The following DNAH3 variants were observed in gnomAD, a reference collection of about 807,000 sequenced individuals.
DNAH3 encodes dynein axonemal heavy chain 3, also known as axonemal beta dynein heavy chain 3.
DNAH3 carries 332 observed loss-of-function variants against 432.5 expected under a neutral mutation model. That is an observed-to-expected ratio of 0.77 (90% CI 0.70 to 0.84). The LOEUF (loss-of-function observed/expected upper bound fraction) is 0.84, where lower values mean the gene tolerates loss of function less well. Among genes scored for constraint, DNAH3 ranks in the 40% least tolerant of loss-of-function variants. DNAH3 has a pLI of 0.00. For missense variants in DNAH3, 4,861 were observed against 5,114.0 expected (o/e 0.95, Z 1.51); for synonymous variants, 1,956 against 1,900.2 (o/e 1.03, Z -0.76).
intron 43 of DNAH3, among the ~76,000 whole-genome samples, chr16:20,999,005 C>A (rs1312657854): frequency 6.6e-6 from 1 of 152,000 alleles, no homozygotes; most frequent in African/African-American, 2.4e-5. Context: ...ACCTGTAATC[C>A]CAACACTTTG....
chr16:21,085,768 T>A (rs1015109548), intron 19 of DNAH3, among the ~76,000 whole-genome samples: 33 of 151,976 alleles, frequency 2.2e-4, no homozygotes, highest in African/African-American at 7.5e-4. Context: ...TCAGAGAGAA[T>A]TTCCTCAGTC....
intron 31 of DNAH3, among the ~76,000 whole-genome samples, chr16:21,043,057 A>G (rs2089519696): frequency 1.3e-5 from 2 of 152,084 alleles, no homozygotes; most frequent in African/African-American, 2.4e-5. Flanking sequence ...ACATTTTCTT[A>G]ATCCAGTCTA....
At chr16:20,991,600 G>A (rs531748534) in intron 44 of DNAH3, among the ~76,000 whole-genome samples, 1 of 152,226 alleles carries the variant, frequency 6.6e-6, no homozygotes, top group East Asian at 1.9e-4. Flanking sequence ...TTAATTTATA[G>A]TTTTTTCCCT....
chr16:21,116,461 A>G (rs1490690802), intron 12 of DNAH3, among the ~76,000 whole-genome samples: 3 of 152,086 alleles, frequency 2.0e-5, no homozygotes, highest in East Asian at 3.9e-4. Context: ...CCACGAGAAG[A>G]AGGATGTGTT....
In DNAH3 at chr16:20,964,271, G is replaced by A. The variant is rs199640892; in HGVS notation, c.9613C>T (p.Leu3205Phe). The change falls in exon 53 of 62, where the codon CTC (leucine) becomes TTC (phenylalanine). Residue 3205 changes from leucine (L) to phenylalanine (F), a missense_variant. Leu to Phe is a conservative substitution (Grantham distance 22). Transcript: ENST00000261383. The stretch of plus-strand genomic sequence containing the variant: ...TCCTTCGCAGCCACGATGCCAAGGA[G>A]TTGATCTTGGAGACCCAAGGGGGTG... 1.4e-5 allele frequency: 23 copies of A among 1,614,222 alleles called. No homozygotes were observed. The East Asian group carries it at 4.9e-4, about 34-fold the overall frequency.
exon 41 of DNAH3, chr16:21,019,715 C>T (rs1352667459): frequency 6.2e-7 from 1 of 1,614,146 alleles, no homozygotes; most frequent in East Asian, 2.2e-5. Flanking sequence ...TGCGGAAAAA[C>T]ACATCAAATT....
At chr16:21,083,836 G>A (rs2091275156) in intron 19 of DNAH3, among the ~76,000 whole-genome samples, 1 of 152,132 alleles carries the variant, frequency 6.6e-6, no homozygotes, top group South Asian at 2.1e-4. Context: ...CTGCAGGGAG[G>A]AATGGGCTCT....
At chr16:21,010,097 G>A (rs569210815) in intron 41 of DNAH3, among the ~76,000 whole-genome samples, 14 of 152,256 alleles carry the variant, frequency 9.2e-5, no homozygotes, top group African/African-American at 3.4e-4. Context: ...AAATCACTAC[G>A]GAGAGTGAGT....
chr16:21,101,943 G>A (rs1043598494), intron 16 of DNAH3, among the ~76,000 whole-genome samples: 1 of 152,206 alleles, frequency 6.6e-6, no homozygotes, highest in Admixed American at 6.5e-5. Flanking sequence ...AGCAAATGGA[G>A]AATAATCGGC....
chr16:21,060,418 G>T, intron 25 of DNAH3, 62 bp from the exon 26 acceptor site: 1 of 1,283,922 alleles, frequency 7.8e-7, no homozygotes, highest in Non-Finnish European at 1.1e-6. Flanking sequence ...AGGGAGAGTG[G>T]GCAGAACACA....
At chr16:21,101,062 T>C (rs1324502946) in intron 16 of DNAH3, among the ~76,000 whole-genome samples, 2 of 152,184 alleles carry the variant, frequency 1.3e-5, no homozygotes, top group Non-Finnish European at 1.5e-5. Context: ...ATAAACCTAT[T>C]GCAATTTGAA....
chr16:20,956,812 C>A (rs1966307), intron 54 of DNAH3, among the ~76,000 whole-genome samples: 1 of 152,122 alleles, frequency 6.6e-6, no homozygotes. Context: ...CAACTTCCAC[C>A]TCCTGGGTTC....
chr16:21,027,685 C>G (rs149842361), intron 37 of DNAH3, among the ~76,000 whole-genome samples: 23 of 152,222 alleles, frequency 1.5e-4, no homozygotes, highest in Admixed American at 6.5e-4. Context: ...ACTAAAAATA[C>G]AAAAATTAGC....
intron 27 of DNAH3, among the ~76,000 whole-genome samples, chr16:21,056,351 TCTTA>T (rs1429349242): frequency 2.0e-5 from 3 of 151,650 alleles, no homozygotes; most frequent in African/African-American, 2.4e-5. Context: ...CCCCTCACTC[TCTTA>T]CTCTTTCCTT....
At chr16:20,989,749 C>T (rs999284531) in intron 44 of DNAH3, among the ~76,000 whole-genome samples, 4 of 152,258 alleles carry the variant, frequency 2.6e-5, no homozygotes, top group Admixed American at 6.5e-5. Context: ...GGGTGGGAGG[C>T]TCAGGCATGG....
At position 21,111,765 on chromosome 16, in the gene DNAH3, A is replaced by T. The variant is rs1385304856; in HGVS notation, c.1960T>A (p.Ser654Thr). 5.6e-5 allele frequency: 91 copies of T among 1,613,800 alleles called. No individual in the cohort carries two copies. The highest frequency in any genetic ancestry group is 7.6e-5 in the Non-Finnish European group (90 of 1,179,900). The change falls in exon 14 of 62, where the codon TCC becomes ACC. Residue 654 changes from serine to threonine, a missense_variant. By Grantham distance (58) the Ser-to-Thr change is moderately conservative. Coordinates refer to ENST00000261383, the Ensembl canonical transcript of DNAH3. The stretch of plus-strand genomic sequence containing the variant: ...GCTAAAGGCACGGTGATGTTCATGG[A>T]TGCAATTTCATTTCTCCGTTTCTTT...
chr16:21,089,023 G>T (rs558030757), intron 18 of DNAH3, among the ~76,000 whole-genome samples: 1 of 152,284 alleles, frequency 6.6e-6, no homozygotes, highest in Admixed American at 6.5e-5. Flanking sequence ...ATCAAAATGT[G>T]AGCTATAGGG....
chr16:21,049,425 G>T, intron 31 of DNAH3, 144 bp downstream of exon 31: 1 of 622,614 alleles, frequency 1.6e-6, no homozygotes. Context: ...GAGTCCTTTT[G>T]TTTAGTTCAC....
At chr16:21,029,150 A>T (rs2088739432) in intron 37 of DNAH3, among the ~76,000 whole-genome samples, 1 of 152,256 alleles carries the variant, frequency 6.6e-6, no homozygotes, top group South Asian at 2.1e-4. Flanking sequence ...CAACCGATAC[A>T]TCTGTACAAT....
Sources: allele counts gnomAD v4.1 joint callset (sites outside exome capture counted in the v4.1 genomes callset), GRCh38; gene constraint gnomAD v4.1.1; transcripts MANE v1.5; gene names NCBI Gene and HGNC (gene_info 2026-07-23, HGNC 2026-07-21).